Variants in GPM6B observed in about 807,000 individuals in gnomAD.
GPM6B encodes the protein neuronal membrane glycoprotein M6-b.
In GPM6B, 4 loss-of-function variants were observed where a neutral mutation model predicts 27.2. The observed-to-expected ratio is 0.15, with a 90% CI of 0.07 to 0.34. GPM6B has a LOEUF of 0.34. GPM6B is among the 10% of genes least tolerant of loss of function. The pLI, the probability that GPM6B is intolerant of heterozygous loss-of-function variation, is 1.00. For synonymous variants in GPM6B, 124 were observed against 103.1 expected, an observed-to-expected ratio of 1.20 and a Z score of -1.23; for missense variants, 183 against 261.9, an observed-to-expected ratio of 0.70 and a Z score of 2.08.
chrX:13,901,950 G>A (rs1326529350), intron 1 of GPM6B, among the ~76,000 whole-genome samples: 3 of 112,093 alleles, frequency 2.7e-5, no homozygotes, highest in African/African-American at 9.7e-5. Context: ...TCACATAGAA[G>A]CAAAAAGTGA....
intron 1 of GPM6B, among the ~76,000 whole-genome samples, chrX:13,902,156 C>T (rs2050288029): frequency 9.0e-6 from 1 of 111,622 alleles, no homozygotes; most frequent in South Asian, 3.8e-4. Context: ...TCTTCTTTAA[C>T]AAAAATCCTT....
At chrX:13,886,719 T>TTAAAAAAAAAAAAAAA (rs1555926580) in intron 1 of GPM6B, among the ~76,000 whole-genome samples, 1 of 35,106 alleles carries the variant, frequency 2.8e-5, no homozygotes, top group Non-Finnish European at 4.0e-5. Flanking sequence ...AAGTCACTAC[T>TTAAAAAAAAAAAAAAA]AAAAAAAAAA....
chrX:13,851,636 T>TA (rs1491412972), intron 1 of GPM6B, among the ~76,000 whole-genome samples: 102 of 56,689 alleles, frequency 1.8e-3, no homozygotes, highest in South Asian at 0.01. Flanking sequence ...AGGCATGCAA[T>TA]GAAAAAAAAA....
intron 1 of GPM6B, among the ~76,000 whole-genome samples, chrX:13,826,433 G>A (rs771138128): frequency 3.5e-4 from 39 of 111,747 alleles, no homozygotes; most frequent in Non-Finnish European, 7.0e-4. Context: ...GCCGGGTACA[G>A]TGTGGCTCAT....
In GPM6B at chrX:13,877,824, C is replaced by CAAAAAAA. The variant is rs761891419; in HGVS notation, c.-198+60496_-198+60502dup. ...CCTGGGCATTAGAGCCAGACTCTGC[C>CAAAAAAA]AAAAAAAAAAAAAAAAAAAAAAAAA... is the stretch of plus-strand genomic sequence containing the variant. On this transcript the variant is annotated intron_variant, in intron 1 of 6. Transcript: ENST00000398361. 8.2e-3 allele frequency among the ~76,000 whole-genome samples: 225 copies of CAAAAAAA among 27,451 alleles called. 36 individuals are homozygous for CAAAAAAA. The highest frequency in any genetic ancestry group is 0.075 in the East Asian group (45 of 597). The allele number at this position is 27,451 out of a possible 115,157, so 23.8% of individuals were successfully genotyped here. A position where few individuals can be genotyped will look rare whatever the true frequency, so the allele number is the denominator to read the frequency against.
At chrX:13,887,724 A>C (rs1289331208) in intron 1 of GPM6B, among the ~76,000 whole-genome samples, 3 of 111,854 alleles carry the variant, frequency 2.7e-5, no homozygotes, top group Non-Finnish European at 3.8e-5. Context: ...TTAGACTTAA[A>C]GTTGGCTGCA....
chrX:13,872,785 T>C (rs1460235371), intron 1 of GPM6B, among the ~76,000 whole-genome samples: 2 of 110,973 alleles, frequency 1.8e-5, no homozygotes, highest in Non-Finnish European at 3.8e-5. Context: ...TAGAATTCTT[T>C]AGAGGGAGGC....
intron 1 of GPM6B, among the ~76,000 whole-genome samples, chrX:13,858,658 T>C (rs1401424883): frequency 9.0e-6 from 1 of 111,370 alleles, no homozygotes; most frequent in Non-Finnish European, 1.9e-5. Flanking sequence ...AACTGCCACA[T>C]CTCTGCTCAA....
intron 1 of GPM6B, among the ~76,000 whole-genome samples, chrX:13,894,480 GT>G (rs989795970): frequency 8.9e-6 from 1 of 112,311 alleles, no homozygotes; most frequent in African/African-American, 3.2e-5. Context: ...TATAAGGCAG[GT>G]TTTTTCAGCC....
At chrX:13,931,452 C>T (rs1406775493) in intron 1 of GPM6B, among the ~76,000 whole-genome samples, 3 of 107,950 alleles carry the variant, frequency 2.8e-5, no homozygotes, top group Non-Finnish European at 5.8e-5. Flanking sequence ...CGCACCACTG[C>T]ACTCCAGCCT....
At chrX:13,935,350 A>AAC (rs1297179616) in intron 1 of GPM6B, among the ~76,000 whole-genome samples, 1 of 104,517 alleles carries the variant, frequency 9.6e-6, no homozygotes, top group Non-Finnish European at 1.9e-5. Context: ...AAAAAAAAAA[A>AAC]AAAAAAACTG....
At position 13,790,516 on chromosome X, in the gene GPM6B, T is replaced by C. The variant is rs774104327; in HGVS notation, c.182-4708A>G. Among the ~76,000 whole-genome samples, 5 of 111,638 alleles carry C rather than the reference T, an allele frequency of 4.5e-5. No individual in the cohort carries two copies. The East Asian group carries it at 8.4e-4, about 19-fold the overall frequency. On this transcript the variant is annotated intron_variant, in intron 2 of 7. Coordinates refer to ENST00000316715, the MANE Select transcript of GPM6B (RefSeq NM_001001995.3). Reference sequence around the variant, plus strand: ...CATGAAAATTTGAGAAGCCCATTTCTAGTCAACAGTGGCATCTTCCCGGTC... The same window carrying C: ...CATGAAAATTTGAGAAGCCCATTTCCAGTCAACAGTGGCATCTTCCCGGTC...
chrX:13,875,618 C>T (rs774424879), intron 1 of GPM6B, among the ~76,000 whole-genome samples: 20 of 111,872 alleles, frequency 1.8e-4, no homozygotes, highest in Non-Finnish European at 3.8e-4. Flanking sequence ...TAAAAACAGC[C>T]CAAATGCCCA....
At chrX:13,938,461 G>GGGCGCGAGACCGTGGCCGT (rs1471886809), upstream of GPM6B, 8 of 880,291 alleles carry the variant, frequency 9.1e-6, no homozygotes, top group Non-Finnish European at 1.1e-5. Flanking sequence ...CCCGGGGCGG[G>GGGCGCGAGACCGTGGCCGT]GGCGCGAGAC....
chrX:13,823,748 G>A (rs998424581), intron 1 of GPM6B, among the ~76,000 whole-genome samples: 4 of 111,737 alleles, frequency 3.6e-5, no homozygotes, highest in African/African-American at 1.3e-4. Flanking sequence ...TCAAACTCCT[G>A]ACCTCAAGTG....
At chrX:13,899,796 G>A (rs1442600563) in intron 1 of GPM6B, among the ~76,000 whole-genome samples, 1 of 111,470 alleles carries the variant, frequency 9.0e-6, no homozygotes, top group Non-Finnish European at 1.9e-5. Context: ...CCTACCACCC[G>A]AACAGGTTGA....
chrX:13,828,816 C>T (rs982820683), intron 1 of GPM6B, among the ~76,000 whole-genome samples: 1 of 111,730 alleles, frequency 9.0e-6, no homozygotes, highest in Non-Finnish European at 1.9e-5. Flanking sequence ...ATAACTTTAA[C>T]CCAAGTTCTT....
chrX:13,920,078 A>G (rs1253952239), intron 1 of GPM6B, among the ~76,000 whole-genome samples: 1 of 109,611 alleles, frequency 9.1e-6, no homozygotes, highest in Non-Finnish European at 1.9e-5. Context: ...AGCCCGGCCA[A>G]CATGGTGAAA....
At chrX:13,913,948 C>T (rs1206938478) in intron 1 of GPM6B, among the ~76,000 whole-genome samples, 1 of 110,498 alleles carries the variant, frequency 9.0e-6, no homozygotes, top group Admixed American at 9.6e-5. Context: ...GATGGGGTTT[C>T]GCCATGTTGC....
Sources: gnomAD v4.1 joint callset for allele counts (sites outside exome capture counted in the v4.1 genomes callset) on GRCh38, gnomAD v4.1.1 for gene constraint, MANE v1.5 for transcripts, NCBI Gene and HGNC (gene_info 2026-07-23, HGNC 2026-07-21) for gene names.